MYH8: variants seen among roughly 807,000 people sequenced by gnomAD.
MYH8 encodes the protein myosin heavy chain 8, also known as myosin-8.
Under a neutral mutation model 233.2 loss-of-function variants are expected in MYH8, and 168 were observed. That is an observed-to-expected ratio of 0.72 (90% CI 0.64 to 0.82). The LOEUF is 0.82. Among genes scored for constraint, MYH8 ranks in the 40% least tolerant of loss-of-function variants. The pLI, the probability that MYH8 is intolerant of heterozygous loss-of-function variation, is 0.00. For synonymous variants in MYH8, 785 were observed against 850.6 expected, an observed-to-expected ratio of 0.92 and a Z score of 1.34; for missense variants, 1,995 against 2,327.8, an observed-to-expected ratio of 0.86 and a Z score of 2.94.
chr17:10,418,522 A>G, intron 5 of MYH8, 123 bp downstream of exon 5: 1 of 1,573,374 alleles, frequency 6.4e-7, no homozygotes, highest in Non-Finnish European at 8.7e-7. Context: ...AGTTTTTTGA[A>G]AACAGTGAAG....
rs1445459376 is a variant in MYH8, at chr17:10,406,272, A to G, written c.2295+2T>C. 6.2e-7 allele frequency: 1 copy of G among 1,614,102 alleles called. No homozygotes were observed. The highest frequency in any genetic ancestry group is 8.5e-7 in the Non-Finnish European group (1 of 1,179,956). On this transcript the variant is annotated splice_donor_variant, in intron 20 of 39. Coordinates refer to ENST00000403437, the MANE Select transcript of MYH8 (RefSeq NM_002472.3). LOFTEE classifies it high-confidence loss of function. ...ATCAGGTGTAAATAAATAACGATAT[A>G]CCTTGGTATGTCCAAATTTATATTG...
chr17:10,410,221 T>A (rs2072232279), intron 15 of MYH8, among the ~76,000 whole-genome samples: 1 of 152,150 alleles, frequency 6.6e-6, no homozygotes, highest in Non-Finnish European at 1.5e-5. Context: ...AGAGGATCGC[T>A]TGAGCCTTGG....
At chr17:10,397,806 A>C (rs539056856) in intron 30 of MYH8, among the ~76,000 whole-genome samples, 1 of 152,282 alleles carries the variant, frequency 6.6e-6, no homozygotes, top group Non-Finnish European at 1.5e-5. Context: ...AGTTTCTTCT[A>C]ATCATTATAG....
chr17:10,396,577 T>C lies in MYH8; in HGVS notation c.4504A>G (p.Arg1502Gly). 7 of 1,614,156 alleles carry C rather than the reference T, an allele frequency of 4.3e-6. No individual in the cohort carries two copies. Among genetic ancestry groups the C allele is most frequent in the Non-Finnish European group, 5.9e-6 (7 of 1,180,016 alleles). ...EESLDQLETL[R>G]RENKNLQQEI... ...CGTTGCAAGTTCTTATTTTCTCTTC[T>C]TAGCGTTTCGAGTTGATCCAGGGAT... The change falls in exon 32 of 40, where the codon AGA becomes GGA. Residue 1502 changes from arginine to glycine, a missense_variant. By Grantham distance (125) the Arg-to-Gly change is moderately radical (BLOSUM62 -2). This residue lies in a region of MYH8 where 1,498 missense variants were observed against 1,680.9 expected (regional missense o/e 0.89). Coordinates refer to ENST00000403437, the MANE Select transcript of MYH8 (RefSeq NM_002472.3). The surrounding 1 kb of genome is among the most constrained non-coding windows in gnomAD (Gnocchi z 4.2).
rs948334773 is a variant in MYH8, at chr17:10,410,781, T to C, written c.1583A>G (p.Glu528Gly). Residue 528 changes from glutamate to glycine, a missense_variant, in exon 15 of 40, where the codon GAG (glutamate) becomes GGG (glycine). By Grantham distance (98) the Glu-to-Gly change is moderately conservative (BLOSUM62 -2). Around this residue, in one of 3 missense-constraint regions of MYH8, gnomAD observed 1,498 missense variants for 1,680.9 expected, o/e 0.89. Transcript: ENST00000403437. ...TTCTTTGGAAACCAAACCGACCTTC[T>C]CAATGAGCTCAATGCAGGCAGCCAG... Reference protein sequence around the residue: ...MDLAACIELIEKPLGIFSILE... With the variant: ...MDLAACIELIGKPLGIFSILE... 199 of 1,613,844 alleles carry C rather than the reference T, an allele frequency of 1.2e-4. No homozygotes were observed. Among genetic ancestry groups the C allele is most frequent in the Non-Finnish European group, 1.7e-4 (195 of 1,179,884 alleles).
chr17:10,401,400 G>T lies in MYH8; in HGVS notation c.2983C>A (p.Leu995Met). 1 of 1,613,948 alleles carries T rather than the reference G, an allele frequency of 6.2e-7. No individual in the cohort carries two copies. Among genetic ancestry groups the T allele is most frequent in the Non-Finnish European group, 8.5e-7 (1 of 1,179,994 alleles). ...TGGAGAGCCTTCTTCTCCTTGGACAGTTTTGCAATGGTTTCATCCAGGCCT... is the reference window on the plus strand; with the variant it reads ...TGGAGAGCCTTCTTCTCCTTGGACATTTTTGCAATGGTTTCATCCAGGCCT... ...MAGLDETIAKLSKEKKALQET... is the reference protein window; with the variant it reads ...MAGLDETIAKMSKEKKALQET... The change falls in exon 24 of 40, where the codon CTG becomes ATG. Residue 995 changes from leucine (L) to methionine (M), a missense_variant. Around this residue, in one of 3 missense-constraint regions of MYH8, gnomAD observed 1,498 missense variants for 1,680.9 expected, o/e 0.89. Transcript: ENST00000403437.
In MYH8 at chr17:10,421,922, T is replaced by C. The variant is rs2072343320; in HGVS notation, c.-75+8A>G. ...GGTTTTTCGAGTTCCAAGGCCTTCA[T>C]CACTTACCTCTGGGTTCTTGGTGGA... On this transcript the variant is annotated splice_region_variant and intron_variant, in intron 1 of 39. Coordinates refer to ENST00000403437, the MANE Select transcript of MYH8 (RefSeq NM_002472.3). The C allele has an allele frequency of 1.3e-5, 2 of 151,898 alleles. No individual in the cohort carries two copies. Among genetic ancestry groups the C allele is most frequent in the African/African-American group, 4.8e-5 (2 of 41,306 alleles). 9.4% of individuals were successfully genotyped at this position (151,898 alleles called of 1,614,324 possible).
At chr17:10,395,006 G>T in intron 34 of MYH8, 127 bp downstream of exon 34, 1 of 1,046,648 alleles carries the variant, frequency 9.6e-7, no homozygotes, top group Non-Finnish European at 1.5e-6. Flanking sequence ...ATTTAATTCA[G>T]TTACCTTTGT....
In MYH8 at chr17:10,400,733, G is replaced by A. The variant is rs373278832; in HGVS notation, c.3392C>T (p.Ser1131Phe). ...LGEEIEAERA[S>F]RAKAEKQRSD... ...GCGCTGCTTCTCCGCTTTGGCTCGGGACGCCCTCTCTGCCTCGATTTCTTC... is the reference window on the plus strand; with the variant it reads ...GCGCTGCTTCTCCGCTTTGGCTCGGAACGCCCTCTCTGCCTCGATTTCTTC... Residue 1131 changes from serine (S) to phenylalanine (F), a missense_variant, in exon 27 of 40, where the codon TCC (serine) becomes TTC (phenylalanine). By Grantham distance (155) the Ser-to-Phe change is radical. This residue lies in a region of MYH8 where 1,498 missense variants were observed against 1,680.9 expected (regional missense o/e 0.89). Transcript: ENST00000403437. The surrounding 1 kb of genome is among the most constrained non-coding windows in gnomAD (Gnocchi z 4.0). The A allele has an allele frequency of 4.8e-5, 78 of 1,614,048 alleles. No individual in the cohort carries two copies. The highest frequency in any genetic ancestry group is 1.7e-4 in the Middle Eastern group (1 of 6,046).
rs768705671 is a variant in MYH8 at position 10,400,764 on chromosome 17, G to A, written c.3361C>T (p.Leu1121=). 1 of 1,614,080 alleles carries A rather than the reference G, an allele frequency of 6.2e-7. No homozygotes were observed. The highest frequency in any genetic ancestry group is 8.5e-7 in the Non-Finnish European group (1 of 1,180,040). ...IKELQARIEE[L]GEEIEAERAS... ...CTCTCTGCCTCGATTTCTTCCCCCA[G>A]CTCCTCAATGCGGGCCTGGGAATGA... Residue 1121 remains leucine, a synonymous_variant, in exon 27 of 40, where the codon CTG becomes TTG. Coordinates refer to ENST00000403437, the MANE Select transcript of MYH8 (RefSeq NM_002472.3). The surrounding 1 kb of genome is among the most constrained non-coding windows in gnomAD (Gnocchi z 4.0).
At chr17:10,391,397 C>G (rs115756685) in intron 39 of MYH8, among the ~76,000 whole-genome samples, 2 of 152,094 alleles carry the variant, frequency 1.3e-5, no homozygotes, top group Non-Finnish European at 2.9e-5. Flanking sequence ...AAAAATATCT[C>G]GGCTGGGCGT....
chr17:10,394,401 C>T lies in MYH8; in HGVS notation c.5014G>A (p.Glu1672Lys), dbSNP rs1203414443. ...CTGCGCTCCACAATTGCCAGCTGTT[C>T]CTTGAGGTCCTCCTGGCCCCGGAGA... The part of the protein sequence containing the change: ...DALRGQEDLK[E>K]QLAIVERRAN... The change falls in exon 35 of 40, where the codon GAA becomes AAA. Residue 1672 changes from glutamate (E) to lysine (K), a missense_variant. Around this residue, in one of 3 missense-constraint regions of MYH8, gnomAD observed 1,498 missense variants for 1,680.9 expected, o/e 0.89. Coordinates refer to ENST00000403437, the MANE Select transcript of MYH8 (RefSeq NM_002472.3). The T allele has an allele frequency of 1.2e-6, 2 of 1,614,148 alleles. No homozygotes were observed. The highest frequency in any genetic ancestry group is 1.7e-5 in the Admixed American group (1 of 60,024).
rs768497869 is a variant in MYH8 at position 10,396,649 on chromosome 17, G to A, written c.4432C>T (p.Arg1478Cys). 22 of 1,614,066 alleles carry A rather than the reference G, an allele frequency of 1.4e-5. No individual in the cohort carries two copies. The highest frequency in any genetic ancestry group is 1.3e-4 in the East Asian group (6 of 44,890). The change falls in exon 32 of 40, where the codon CGT (arginine) becomes TGT (cysteine). Residue 1478 changes from arginine to cysteine, a missense_variant. This residue lies in a region of MYH8 where 1,498 missense variants were observed against 1,680.9 expected (regional missense o/e 0.89). Transcript: ENST00000403437. The surrounding 1 kb of genome is among the most constrained non-coding windows in gnomAD (Gnocchi z 4.2). ...AELEASQKES[R>C]SLSTELFKVK... ...TTGAACAGCTCAGTGCTAAGAGAAC[G>A]TGACTCCTTCTGGGAGGCCTCAAGT...
Position 10,412,714 on chromosome 17 carries a change from C to T in MYH8, c.1162G>A (p.Ala388Thr). ...GCAGAGTTCAGACTCTGGAGATAGG[C>T]TGCCTTGTCAGCGACTGCAGAGACA... ...PDGTEVADKAAYLQSLNSADL... is the reference protein window; with the variant it reads ...PDGTEVADKATYLQSLNSADL... The change falls in exon 13 of 40, where the codon GCC (alanine) becomes ACC (threonine). Residue 388 changes from alanine (A) to threonine (T), a missense_variant. Transcript: ENST00000403437. 3.7e-6 allele frequency: 6 copies of T among 1,614,116 alleles called. No homozygotes were observed. The highest frequency in any genetic ancestry group is 4.2e-6 in the Non-Finnish European group (5 of 1,179,960).
chr17:10,399,115 G>A (rs2072109217), intron 28 of MYH8, among the ~76,000 whole-genome samples: 2 of 151,620 alleles, frequency 1.3e-5, no homozygotes, highest in African/African-American at 4.9e-5. Flanking sequence ...ACACTTGCCA[G>A]TTCAGCATCC....
In MYH8 at chr17:10,415,104, C is replaced by A; in HGVS notation, c.805+12G>T. On this transcript the variant is annotated intron_variant, in intron 9 of 39. Coordinates refer to ENST00000403437, the MANE Select transcript of MYH8 (RefSeq NM_002472.3). The surrounding 1 kb of genome is among the most constrained non-coding windows in gnomAD (Gnocchi z 4.1). ...TCTCTCTGTTTTGATTTTCAATGGT[C>A]CTGTTACTCACATGTTTCTATATCA... 6.2e-7 allele frequency: 1 copy of A among 1,609,650 alleles called. No individual in the cohort carries two copies. The highest frequency in any genetic ancestry group is 1.1e-5 in the South Asian group (1 of 90,970).
rs1261906511 is a variant in MYH8 at position 10,390,545 on chromosome 17, T to G, written c.5723A>C (p.Glu1908Ala). 6.2e-7 allele frequency: 1 copy of G among 1,614,198 alleles called. No homozygotes were observed. Among genetic ancestry groups the G allele is most frequent in the Admixed American group, 1.7e-5 (1 of 60,028 alleles). ...KFRKLQHELE[E>A]AEERADIAES... ...AGCAATGTCAGCCCGTTCCTCGGCC[T>G]CCTCCAGCTCATGCTGGAGTTTGCG... is the stretch of plus-strand genomic sequence containing the variant. The change falls in exon 40 of 40, where the codon GAG (glutamate) becomes GCG (alanine). Residue 1908 changes from glutamate (E) to alanine (A), a missense_variant. By Grantham distance (107) the Glu-to-Ala change is moderately radical (BLOSUM62 -1). Transcript: ENST00000403437.
chr17:10,392,017 A>T (rs746805762), intron 38 of MYH8, 40 bp from the exon 39 acceptor site: 1 of 1,532,180 alleles, frequency 6.5e-7, no homozygotes, highest in Non-Finnish European at 9.0e-7. Flanking sequence ...CATTCCGAAG[A>T]GATAAGGCTA....
Position 10,401,615 on chromosome 17 carries a change from G to C in MYH8, c.2859C>G (p.Leu953=). The change falls in exon 23 of 40, where the codon CTC becomes CTG. Residue 953 remains leucine (L), a synonymous_variant. Coordinates refer to ENST00000403437, the MANE Select transcript of MYH8 (RefSeq NM_002472.3). The part of the protein sequence containing the change: ...KRKLEDECSE[L]KKDIDDLELT... ...GCTCAAGGTCATCAATGTCTTTCTT[G>C]AGTTCTGAACATTCATCCTCCAGTT... The C allele has an allele frequency of 1.9e-6, 3 of 1,614,078 alleles. No individual in the cohort carries two copies. The highest frequency in any genetic ancestry group is 2.5e-6 in the Non-Finnish European group (3 of 1,180,008).
Sources: allele counts gnomAD v4.1 joint callset (sites outside exome capture counted in the v4.1 genomes callset), GRCh38; gene constraint gnomAD v4.1.1; regional missense constraint gnomAD v4.1.1; non-coding constraint Gnocchi (gnomAD v3.1); transcripts MANE v1.5; gene names NCBI Gene and HGNC (gene_info 2026-07-23, HGNC 2026-07-21).